Variants in EPHB2 observed in about 807,000 individuals in gnomAD.
EPHB2 encodes EPH receptor B2.
Under a neutral mutation model 96.4 loss-of-function variants are expected in EPHB2, and 18 were observed. The observed-to-expected ratio is 0.19, with a 90% CI of 0.13 to 0.28. The LOEUF (loss-of-function observed/expected upper bound fraction) is 0.28. Ranked by LOEUF, EPHB2 falls within the 10% of genes least tolerant of loss-of-function variation. The pLI is 1.00. For synonymous variants in EPHB2, 506 were observed against 534.1 expected (o/e 0.95, Z 0.72); for missense variants, 989 against 1,355.4 (o/e 0.73, Z 4.25).
Position 22,823,678 on chromosome 1 carries a change from G to A in EPHB2, c.811+38602G>A, listed in dbSNP as rs1485453459. 3.3e-5 allele frequency among the ~76,000 whole-genome samples: 5 copies of A among 152,214 alleles called. No individual in the cohort carries two copies. In the South Asian group the frequency reaches 6.2e-4, roughly 19 times the overall value. On this transcript the variant is annotated intron_variant, in intron 3 of 15. Transcript: ENST00000374630. The stretch of plus-strand genomic sequence containing the variant: ...ACATTGGATGAATAATTTGCGGGGT[G>A]ACCTTAGGCAAGTAACTTCACCTCT...
intron 1 of EPHB2, among the ~76,000 whole-genome samples, chr1:22,761,794 T>C (rs1194557949): frequency 6.6e-6 from 1 of 152,154 alleles, no homozygotes; most frequent in Non-Finnish European, 1.5e-5. Context: ...GTGTGCAGTC[T>C]GCCAGGGGCT....
At chr1:22,871,942 G>A (rs753088905) in intron 5 of EPHB2, among the ~76,000 whole-genome samples, 2 of 152,086 alleles carry the variant, frequency 1.3e-5, no homozygotes, top group Non-Finnish European at 2.9e-5. Flanking sequence ...CTTGAACCCA[G>A]GAGGCGGAGG....
intron 1 of EPHB2, among the ~76,000 whole-genome samples, chr1:22,764,520 C>T (rs189487627): frequency 1.2e-3 from 178 of 152,116 alleles, no homozygotes; most frequent in African/African-American, 4.0e-3. Context: ...CCGAGCCAGG[C>T]GGATCATTTG....
chr1:22,886,984 G>T (rs1437420337), intron 6 of EPHB2, among the ~76,000 whole-genome samples: 1 of 152,092 alleles, frequency 6.6e-6, no homozygotes, highest in Admixed American at 6.6e-5. Flanking sequence ...TGACTCCTAG[G>T]AGATGGAGGT....
chr1:22,749,789 C>A (rs1444896146), intron 1 of EPHB2, among the ~76,000 whole-genome samples: 2 of 152,162 alleles, frequency 1.3e-5, no homozygotes, highest in African/African-American at 4.8e-5. Flanking sequence ...AGACCCTATA[C>A]TGGGGGCTGA....
chr1:22,726,190 T>G (rs1570157997), intron 1 of EPHB2, among the ~76,000 whole-genome samples: 1 of 152,196 alleles, frequency 6.6e-6, no homozygotes, highest in Non-Finnish European at 1.5e-5. Flanking sequence ...CAAGGCCTCC[T>G]TCCTCCTTTT....
chr1:22,814,244 G>A (rs918101112), intron 3 of EPHB2, among the ~76,000 whole-genome samples: 1 of 152,196 alleles, frequency 6.6e-6, no homozygotes, highest in Non-Finnish European at 1.5e-5. Flanking sequence ...ATTTACTGAG[G>A]ACCCATTGAG....
chr1:22,890,699 C>T (rs921293374), intron 6 of EPHB2, among the ~76,000 whole-genome samples: 1 of 152,124 alleles, frequency 6.6e-6, no homozygotes, highest in Non-Finnish European at 1.5e-5. Flanking sequence ...GTGAGAGGGA[C>T]CTAGTAGGAG....
intron 1 of EPHB2, among the ~76,000 whole-genome samples, chr1:22,731,025 T>C (rs1643698450): frequency 6.6e-6 from 1 of 151,954 alleles, no homozygotes; most frequent in Admixed American, 6.6e-5. Flanking sequence ...CTCACATAGT[T>C]TGGGGGATCC....
intron 1 of EPHB2, 97 bp from the exon 2 acceptor site, chr1:22,781,318 TAAAAAA>T (rs71020449): frequency 8.6e-5 from 77 of 891,492 alleles, no homozygotes; most frequent in Middle Eastern, 3.2e-4. Flanking sequence ...AGACTCCGTC[TAAAAAA>T]AAAAAAAAAA....
At chr1:22,850,254 C>T (rs779290916) in intron 3 of EPHB2, among the ~76,000 whole-genome samples, 2 of 152,294 alleles carry the variant, frequency 1.3e-5, no homozygotes, top group Admixed American at 6.5e-5. Flanking sequence ...TACCAGACAC[C>T]GACAGAATGA....
At chr1:22,793,177 G>T (rs1245429778) in intron 3 of EPHB2, among the ~76,000 whole-genome samples, 2 of 152,134 alleles carry the variant, frequency 1.3e-5, no homozygotes, top group African/African-American at 2.4e-5. Flanking sequence ...TAGTGATCTG[G>T]GTAGGAAATA....
intron 3 of EPHB2, among the ~76,000 whole-genome samples, chr1:22,814,717 C>T (rs1645047980): frequency 6.6e-6 from 1 of 152,144 alleles, no homozygotes; most frequent in African/African-American, 2.4e-5. Flanking sequence ...GTTGAGTGGG[C>T]CTGAGGTAGG....
chr1:22,786,181 G>A (rs1369931183), intron 3 of EPHB2, among the ~76,000 whole-genome samples: 1 of 152,210 alleles, frequency 6.6e-6, no homozygotes, highest in East Asian at 1.9e-4. Flanking sequence ...TTGGCCAAGT[G>A]TAAAACCCTC....
At chr1:22,855,542 T>C (rs943288909) in intron 3 of EPHB2, among the ~76,000 whole-genome samples, 4 of 152,226 alleles carry the variant, frequency 2.6e-5, no homozygotes, top group African/African-American at 9.6e-5. Flanking sequence ...AGTAAATGCC[T>C]GTAGAATAAA....
chr1:22,803,729 ATGTG>A (rs199964443), intron 3 of EPHB2, among the ~76,000 whole-genome samples: 1 of 147,378 alleles, frequency 6.8e-6, no homozygotes, highest in African/African-American at 2.5e-5. Context: ...ATATATGTAT[ATGTG>A]TGTGTGTGTG....
At chr1:22,713,632 GAC>G (rs1185058495) in intron 1 of EPHB2, among the ~76,000 whole-genome samples, 1 of 152,210 alleles carries the variant, frequency 6.6e-6, no homozygotes, top group African/African-American at 2.4e-5. Context: ...TCCTGAGGGT[GAC>G]ACAGTCTGTG....
chr1:22,874,471 C>G (rs1280565778), intron 5 of EPHB2, among the ~76,000 whole-genome samples: 1 of 152,188 alleles, frequency 6.6e-6, no homozygotes, highest in East Asian at 1.9e-4. Flanking sequence ...CAGGGCCTCG[C>G]CTCAGCCCAC....
intron 1 of EPHB2, among the ~76,000 whole-genome samples, chr1:22,745,800 T>C (rs956657806): frequency 3.9e-5 from 6 of 152,152 alleles, no homozygotes; most frequent in Non-Finnish European, 5.9e-5. Flanking sequence ...GGGCCTTGGA[T>C]GATCGGCAGC....
Sources: gnomAD v4.1 joint callset for allele counts (sites outside exome capture counted in the v4.1 genomes callset) on GRCh38, gnomAD v4.1.1 for gene constraint, MANE v1.5 for transcripts, NCBI Gene and HGNC (gene_info 2026-07-23, HGNC 2026-07-21) for gene names.